The following DGKI variants were observed in gnomAD, a reference collection of about 807,000 sequenced individuals.
DGKI encodes diacylglycerol kinase iota.
A neutral mutation model predicts 147.5 loss-of-function variants in DGKI; 55 were observed. That is an observed-to-expected ratio of 0.37 (90% CI 0.30 to 0.47). The LOEUF is 0.47. Ranked by LOEUF, DGKI falls within the 20% of genes least tolerant of loss-of-function variation. The pLI is 1.00. For missense variants in DGKI, 1,007 were observed against 1,323.8 expected (o/e 0.76, Z 3.71); for synonymous variants, 469 against 477.1 (o/e 0.98, Z 0.22).
At chr7:137,411,322 A>C (rs1024839422) in intron 29 of DGKI, among the ~76,000 whole-genome samples, 1 of 152,166 alleles carries the variant, frequency 6.6e-6, no homozygotes, top group East Asian at 1.9e-4. Context: ...AGATGATGTT[A>C]TATTATATAA....
Position 137,448,284 on chromosome 7 carries a change from T to A in DGKI, c.2736-4182A>T, listed in dbSNP as rs548653321. Among the ~76,000 whole-genome samples, 505 of 86,212 alleles carry A rather than the reference T, an allele frequency of 5.9e-3. 3 individuals carry two copies. The highest frequency in any genetic ancestry group is 0.011 in the Middle Eastern group (1 of 90). The allele number at this position is 86,212 out of a possible 152,430, so 56.6% of individuals were successfully genotyped here. On this transcript the variant is annotated intron_variant, in intron 27 of 32. Transcript: ENST00000614521. ...CCAAATCACTAAGACCGACCATCCATCCCAAACTAGAAGCTCAAAAAAAAA... is the reference window on the plus strand; with the variant it reads ...CCAAATCACTAAGACCGACCATCCAACCCAAACTAGAAGCTCAAAAAAAAA...
chr7:137,625,124 C>T lies in DGKI; in HGVS notation c.805-1570G>A, dbSNP rs1585300229. ...AAAACCTAAGCGGTATTTTCACTCC[C>T]TGTGCAGAAAAGAGTTAACATAGCA... On this transcript the variant is annotated intron_variant, in intron 6 of 32. Transcript: ENST00000614521. Among the ~76,000 whole-genome samples, 3 of 152,202 alleles carry T rather than the reference C, an allele frequency of 2.0e-5. No individual in the cohort carries two copies. The South Asian group carries it at 6.2e-4, about 32-fold the overall frequency.
chr7:137,619,879 G>A lies in DGKI; in HGVS notation c.938C>T (p.Ala313Val), dbSNP rs766796678. 6.2e-7 allele frequency: 1 copy of A among 1,614,052 alleles called. No homozygotes were observed. The highest frequency in any genetic ancestry group is 8.5e-7 in the Non-Finnish European group (1 of 1,179,988). The stretch of plus-strand genomic sequence containing the variant: ...GGGCGGGACAATAACAGCAGCATGA[G>A]CCCCCAGGGAGCAGGGTTCTTCAAT... ...HHIEEPCSLG[A>V]HAAVIVPPTW... The change falls in exon 8 of 33, where the codon GCT becomes GTT. Residue 313 changes from alanine to valine, a missense_variant. By Grantham distance (64) the Ala-to-Val change is moderately conservative (BLOSUM62 0). Coordinates refer to ENST00000614521, the MANE Select transcript of DGKI (RefSeq NM_001321708.2).
chr7:137,545,758 A>T, intron 20 of DGKI: 1 of 478,024 alleles, frequency 2.1e-6, no homozygotes, highest in South Asian at 4.4e-5. Context: ...TTTCAAATCA[A>T]AGAGGGCAAC....
rs573700199 is a variant in DGKI at position 137,818,699 on chromosome 7, C to T, written c.401+27763G>A. ...TCAGGTGATCCACCTGCCTCAGCCT[C>T]CCAAAGTGCTGGGATTACAGGCGTG... On this transcript the variant is annotated intron_variant, in intron 1 of 32. Coordinates refer to ENST00000614521, the MANE Select transcript of DGKI (RefSeq NM_001321708.2). 4.8e-4 allele frequency among the ~76,000 whole-genome samples: 73 copies of T among 152,320 alleles called. No homozygotes were observed. In the South Asian group the frequency reaches 0.01, roughly 22 times the overall value.
intron 6 of DGKI, among the ~76,000 whole-genome samples, chr7:137,639,008 G>T (rs1821523684): frequency 6.6e-6 from 1 of 152,054 alleles, no homozygotes; most frequent in Non-Finnish European, 1.5e-5. Flanking sequence ...TTACATATAT[G>T]ATCTCATCTA....
At chr7:137,569,728 C>CAAAAAAAAAAAAAAAAAAAAAAA (rs60719355) in intron 19 of DGKI, among the ~76,000 whole-genome samples, 5 of 64,612 alleles carry the variant, frequency 7.7e-5, no homozygotes, top group Non-Finnish European at 1.1e-4. Flanking sequence ...GACTCTGTCT[C>CAAAAAAAAAAAAAAAAAAAAAAA]AAAAAAAAAA....
chr7:137,807,794 A>G (rs1797428136), intron 1 of DGKI, among the ~76,000 whole-genome samples: 1 of 152,112 alleles, frequency 6.6e-6, no homozygotes, highest in Non-Finnish European at 1.5e-5. Flanking sequence ...GTCCATAAAC[A>G]CACTTTGAGT....
At chr7:137,701,870 A>G (rs1480361212) in intron 1 of DGKI, among the ~76,000 whole-genome samples, 1 of 152,210 alleles carries the variant, frequency 6.6e-6, no homozygotes, top group African/African-American at 2.4e-5. Flanking sequence ...CTCGATAAAA[A>G]AGAAAAAGTT....
At chr7:137,710,729 A>G (rs1340949260) in intron 1 of DGKI, among the ~76,000 whole-genome samples, 1 of 152,140 alleles carries the variant, frequency 6.6e-6, no homozygotes, top group Non-Finnish European at 1.5e-5. Flanking sequence ...AGTATTTAAT[A>G]AATAGAACAC....
chr7:137,478,549 A>G (rs1815258361), intron 23 of DGKI, among the ~76,000 whole-genome samples: 1 of 152,232 alleles, frequency 6.6e-6, no homozygotes, highest in Admixed American at 6.5e-5. Flanking sequence ...CACACAGCTC[A>G]CATCAGGTAA....
At chr7:137,620,589 TA>T (rs546260332) in intron 7 of DGKI, among the ~76,000 whole-genome samples, 17 of 149,894 alleles carry the variant, frequency 1.1e-4, no homozygotes, top group African/African-American at 3.2e-4. Flanking sequence ...TCTGGACTGC[TA>T]AAAAAAAAAT....
chr7:137,490,989 CAATA>C (rs1788556273), intron 21 of DGKI, among the ~76,000 whole-genome samples: 1 of 152,150 alleles, frequency 6.6e-6, no homozygotes, highest in African/African-American at 2.4e-5. Flanking sequence ...TACTAACCTA[CAATA>C]AATAGATTTT....
intron 28 of DGKI, among the ~76,000 whole-genome samples, chr7:137,442,864 A>C (rs1333006461): frequency 1.3e-5 from 2 of 152,262 alleles, no homozygotes; most frequent in Admixed American, 6.5e-5. Flanking sequence ...AAACAGGTAA[A>C]TAAAGCATGA....
rs935418317 is a variant in DGKI at position 137,846,076 on chromosome 7, C to T, written c.401+386G>A. ...GACACCTGCTTAGGGGCAACTTTGA[C>T]GACTTCTCTTAAGAAAACTAAGCAT... On this transcript the variant is annotated intron_variant, in intron 1 of 32. Transcript: ENST00000614521. The surrounding 1 kb of genome is among the most constrained non-coding windows in gnomAD (Gnocchi z 4.0). Among the ~76,000 whole-genome samples, 2 of 151,346 alleles carry T rather than the reference C, an allele frequency of 1.3e-5. No homozygotes were observed. Among genetic ancestry groups the T allele is most frequent in the African/African-American group, 4.9e-5 (2 of 41,212 alleles).
At chr7:137,395,852 G>A (rs1585073078) in intron 31 of DGKI, 155 bp from the exon 32 acceptor site, 1 of 589,558 alleles carries the variant, frequency 1.7e-6, no homozygotes, top group Non-Finnish European at 2.9e-6. Context: ...TAGGGAAGGG[G>A]ATTTCTAAAA....
Position 137,390,657 on chromosome 7 carries a change from G to A in DGKI, c.*563C>T, listed in dbSNP as rs1811325023. 6.5e-6 allele frequency: 1 copy of A among 153,818 alleles called. No individual in the cohort carries two copies. The highest frequency in any genetic ancestry group is 2.0e-4 in the South Asian group (1 of 4,952). 9.5% of individuals were successfully genotyped at this position (153,818 alleles called of 1,614,324 possible). The stretch of plus-strand genomic sequence containing the variant: ...CGGGTGAGGGGGACATGCAGAGAGA[G>A]TCACTAAATAGTCTTGATATATTTA... On this transcript the variant is annotated 3_prime_UTR_variant, in exon 33 of 33. Transcript: ENST00000614521.
intron 21 of DGKI, among the ~76,000 whole-genome samples, chr7:137,495,923 C>T (rs1453036408): frequency 6.6e-6 from 1 of 152,086 alleles, no homozygotes; most frequent in Non-Finnish European, 1.5e-5. Context: ...TCACTCTCAC[C>T]ACTTCTATTC....
chr7:137,459,019 C>T (rs1324741804), intron 27 of DGKI, among the ~76,000 whole-genome samples: 3 of 152,196 alleles, frequency 2.0e-5, no homozygotes, highest in African/African-American at 7.2e-5. Flanking sequence ...AGACACTATA[C>T]ACATTGCGTA....
Sources: gnomAD v4.1 joint callset for allele counts (sites outside exome capture counted in the v4.1 genomes callset) on GRCh38, gnomAD v4.1.1 for gene constraint, Gnocchi (gnomAD v3.1) non-coding constraint, MANE v1.5 for transcripts, NCBI Gene and HGNC (gene_info 2026-07-23, HGNC 2026-07-21) for gene names.